PELI2: variants seen among roughly 807,000 people sequenced by gnomAD.
PELI2 encodes the protein E3 ubiquitin-protein ligase pellino homolog 2.
Under a neutral mutation model 42.3 loss-of-function variants are expected in PELI2, and 23 were observed. The observed-to-expected ratio is 0.54, with a 90% CI of 0.39 to 0.77. The LOEUF (loss-of-function observed/expected upper bound fraction) is 0.77, where lower values mean the gene tolerates loss of function less well. Ranked by LOEUF, PELI2 falls within the 30% of genes least tolerant of loss-of-function variation. The pLI is 0.00. For synonymous variants in PELI2, 245 were observed against 212.2 expected (o/e 1.15, Z -1.34); for missense variants, 463 against 553.2 (o/e 0.84, Z 1.64).
intron 1 of PELI2, among the ~76,000 whole-genome samples, chr14:56,160,673 T>A (rs1313579162): frequency 6.6e-6 from 1 of 152,188 alleles, no homozygotes; most frequent in Non-Finnish European, 1.5e-5. Context: ...TCAAAGCCAG[T>A]AGTTAACCTA....
rs1301525569 is a variant in PELI2 at position 56,296,525 on chromosome 14, T to A, written c.697-75T>A. The A allele has an allele frequency of 2.9e-6, 3 of 1,030,576 alleles. No homozygotes were observed. In the East Asian group the frequency reaches 7.2e-5, roughly 25 times the overall value. 63.8% of individuals were successfully genotyped at this position (1,030,576 alleles called of 1,614,324 possible). A position where few individuals can be genotyped will look rare whatever the true frequency, so the allele number is the denominator to read the frequency against. Reference sequence around the variant, plus strand: ...TTATCTTCAAATATTTTTTTGCTTGTTCTGAGAGGAAAGAATCTTGGAGTG... The same window carrying A: ...TTATCTTCAAATATTTTTTTGCTTGATCTGAGAGGAAAGAATCTTGGAGTG... On this transcript the variant is annotated intron_variant, in intron 5 of 5. Transcript: ENST00000267460.
At position 56,159,454 on chromosome 14, in the gene PELI2, A is replaced by C. The variant is rs543040912; in HGVS notation, c.78-18881A>C. On this transcript the variant is annotated intron_variant, in intron 1 of 5. Transcript: ENST00000267460. ...AAAATTATTAATTGGTAAAATATGT[A>C]AAGTATGGAGTATAAAAATGGCTCT... Among the ~76,000 whole-genome samples the C allele has an allele frequency of 1.2e-4, 18 of 152,364 alleles. 1 individual carries two copies. The South Asian group carries it at 3.7e-3, about 32-fold the overall frequency.
chr14:56,256,720 A>G (rs1361831134), intron 2 of PELI2, among the ~76,000 whole-genome samples: 1 of 152,176 alleles, frequency 6.6e-6, no homozygotes, highest in African/African-American at 2.4e-5. Context: ...GAGTTAACCT[A>G]GTGTAGATCC....
chr14:56,152,933 A>G (rs1263705264), intron 1 of PELI2, among the ~76,000 whole-genome samples: 1 of 152,210 alleles, frequency 6.6e-6, no homozygotes, highest in Non-Finnish European at 1.5e-5. Flanking sequence ...ACATCATCCC[A>G]TGTCTTCGTC....
At chr14:56,291,214 A>G (rs544617658) in intron 5 of PELI2, among the ~76,000 whole-genome samples, 1 of 152,308 alleles carries the variant, frequency 6.6e-6, no homozygotes, top group East Asian at 1.9e-4. Context: ...ACGAGAGAGA[A>G]CAAATGTCTT....
Position 56,296,939 on chromosome 14 carries a change from C to A in PELI2, c.1036C>A (p.Pro346Thr). ...PMCRTVGPYV[P>T]LWLGCEAGFY... ...GTGCAGGACTGTGGGCCCCTATGTG[C>A]CTCTCTGGCTTGGCTGTGAGGCAGG... Residue 346 changes from proline to threonine, a missense_variant, in exon 6 of 6, where the codon CCT becomes ACT. By Grantham distance (38) the Pro-to-Thr change is conservative (BLOSUM62 -1). Coordinates refer to ENST00000267460, the MANE Select transcript of PELI2 (RefSeq NM_021255.3). The A allele has an allele frequency of 6.2e-7, 1 of 1,614,106 alleles. No individual in the cohort carries two copies. Among genetic ancestry groups the A allele is most frequent in the Non-Finnish European group, 8.5e-7 (1 of 1,179,996 alleles).
At chr14:56,131,797 G>C (rs374221408) in intron 1 of PELI2, among the ~76,000 whole-genome samples, 41 of 152,218 alleles carry the variant, frequency 2.7e-4, no homozygotes, top group African/African-American at 9.1e-4. Context: ...TTATTACTTA[G>C]AAATCTTGTC....
intron 1 of PELI2, among the ~76,000 whole-genome samples, chr14:56,154,577 C>T (rs923634697): frequency 2.6e-5 from 4 of 152,342 alleles, no homozygotes; most frequent in Non-Finnish European, 2.9e-5. Flanking sequence ...CCTAGCCATG[C>T]GGAACTGAGT....
At position 56,180,627 on chromosome 14, in the gene PELI2, A is replaced by G. The variant is rs1296308757; in HGVS notation, c.207+2163A>G. Among the ~76,000 whole-genome samples, 3 of 152,180 alleles carry G rather than the reference A, an allele frequency of 2.0e-5. No individual in the cohort carries two copies. Among genetic ancestry groups the G allele is most frequent in the Non-Finnish European group, 4.4e-5 (3 of 68,020 alleles). On this transcript the variant is annotated intron_variant, in intron 2 of 5. Coordinates refer to ENST00000267460, the MANE Select transcript of PELI2 (RefSeq NM_021255.3). This position sits in a 1 kb window ranked among gnomAD's most constrained non-coding sequence, Gnocchi z 4.4. ...TTATTGTGAGCAGATCAACCACACC[A>G]TGTTGCCTTTCAGACTCTCAAACTC...
chr14:56,239,342 C>G (rs915013958), intron 2 of PELI2, among the ~76,000 whole-genome samples: 1 of 152,134 alleles, frequency 6.6e-6, no homozygotes, highest in Non-Finnish European at 1.5e-5. Context: ...CTTAGAATAT[C>G]TGCTTTTAAA....
At chr14:56,283,367 A>T (rs147195714) in intron 3 of PELI2, among the ~76,000 whole-genome samples, 1 of 152,350 alleles carries the variant, frequency 6.6e-6, no homozygotes, top group Non-Finnish European at 1.5e-5. Flanking sequence ...GAAAAATACA[A>T]TGACTGCTAA....
At chr14:56,268,137 C>A (rs1227656276) in intron 2 of PELI2, among the ~76,000 whole-genome samples, 1 of 152,178 alleles carries the variant, frequency 6.6e-6, no homozygotes, top group Non-Finnish European at 1.5e-5. Context: ...TCTTTAGAAA[C>A]AAGTTATGTA....
chr14:56,176,431 G>C (rs1192670657), intron 1 of PELI2, among the ~76,000 whole-genome samples: 2 of 152,320 alleles, frequency 1.3e-5, no homozygotes. Context: ...GAGAAAGCCA[G>C]TGGCGGTGGG....
At chr14:56,155,748 A>AT (rs35314206) in intron 1 of PELI2, among the ~76,000 whole-genome samples, 64,743 of 151,312 alleles carry the variant, frequency 0.43, 14,112 homozygotes, top group South Asian at 0.53. Flanking sequence ...CGCCCGGCTA[A>AT]TTTTTTTTAT....
intron 2 of PELI2, among the ~76,000 whole-genome samples, chr14:56,248,102 A>G (rs1483746242): frequency 6.6e-6 from 1 of 152,228 alleles, no homozygotes; most frequent in African/African-American, 2.4e-5. Context: ...ATCAGATTGA[A>G]TATAATCAGT....
In PELI2 at chr14:56,121,601, A is replaced by G. The variant is rs549013393; in HGVS notation, c.77+2864A>G. 2.6e-5 allele frequency among the ~76,000 whole-genome samples: 4 copies of G among 152,320 alleles called. No homozygotes were observed. The South Asian group carries it at 8.3e-4, about 32-fold the overall frequency. On this transcript the variant is annotated intron_variant, in intron 1 of 5. Transcript: ENST00000267460. ...TGCTATAATTTTAAACTTACGTTTT[A>G]AGGTTAGGGAAGTGGCTCAGGATTT...
intron 2 of PELI2, among the ~76,000 whole-genome samples, chr14:56,183,849 C>T (rs989438849): frequency 1.3e-5 from 2 of 152,044 alleles, no homozygotes; most frequent in African/African-American, 4.8e-5. Flanking sequence ...ACATGAAAAC[C>T]TTGTGAATGT....
intron 2 of PELI2, among the ~76,000 whole-genome samples, chr14:56,234,073 A>G (rs1468959496): frequency 6.6e-6 from 1 of 152,232 alleles, no homozygotes; most frequent in Middle Eastern, 3.2e-3. Flanking sequence ...ACCAGTTAGA[A>G]TGGCGATCAT....
chr14:56,296,499 G>A (rs1890006616), intron 5 of PELI2, 101 bp from the exon 6 acceptor site: 1 of 788,928 alleles, frequency 1.3e-6, no homozygotes, highest in African/African-American at 1.7e-5. Flanking sequence ...GCTTCCCTGT[G>A]TTATCTTCAA....
Sources: allele counts gnomAD v4.1 joint callset (sites outside exome capture counted in the v4.1 genomes callset), GRCh38; gene constraint gnomAD v4.1.1; non-coding constraint Gnocchi (gnomAD v3.1); transcripts MANE v1.5; gene names NCBI Gene and HGNC (gene_info 2026-07-23, HGNC 2026-07-21).